The following NRXN3 variants were observed in gnomAD, a reference collection of about 807,000 sequenced individuals.
The protein encoded by NRXN3 is neurexin 3, also known as neurexin III.
Under a neutral mutation model 137.6 loss-of-function variants are expected in NRXN3, and 32 were observed. The ratio of observed to expected loss-of-function variants is 0.23; its 90% CI spans 0.18 to 0.31. The LOEUF (loss-of-function observed/expected upper bound fraction) is 0.31. NRXN3 is among the 10% of genes least tolerant of loss of function. The probability of loss-of-function intolerance (pLI) is 1.00; values close to 1 mark genes in which losing one functional copy is unlikely to be tolerated. For synonymous variants in NRXN3, 798 were observed against 784.5 expected (o/e 1.02, Z -0.29); for missense variants, 1,574 against 2,062.5 (o/e 0.76, Z 4.59).
At chr14:79,320,873 G>A (rs2089885917) in intron 15 of NRXN3, among the ~76,000 whole-genome samples, 1 of 150,522 alleles carries the variant, frequency 6.6e-6, no homozygotes. Flanking sequence ...CATTTCTTGT[G>A]CTAGTTTCCC....
At chr14:79,094,975 A>AGTGTGTGTGTGT (rs71131675) in intron 15 of NRXN3, among the ~76,000 whole-genome samples, 25 of 88,792 alleles carry the variant, frequency 2.8e-4, no homozygotes, top group African/African-American at 8.1e-4. Context: ...AGAGAGAGAG[A>AGTGTGTGTGTGT]GAGAGTGTGT....
intron 15 of NRXN3, among the ~76,000 whole-genome samples, chr14:79,340,606 C>T (rs1378474554): frequency 6.6e-6 from 1 of 152,134 alleles, no homozygotes; most frequent in African/African-American, 2.4e-5. Context: ...GCTGGGATTA[C>T]AGGCATGCAC....
At chr14:78,917,108 C>G (rs755476283) in intron 10 of NRXN3, among the ~76,000 whole-genome samples, 6 of 152,118 alleles carry the variant, frequency 3.9e-5, no homozygotes, top group Non-Finnish European at 5.9e-5. Context: ...TTTGGAGGGA[C>G]AGAATTCAGC....
intron 15 of NRXN3, among the ~76,000 whole-genome samples, chr14:79,451,025 C>T (rs2096161127): frequency 6.6e-6 from 1 of 152,104 alleles, no homozygotes; most frequent in Non-Finnish European, 1.5e-5. Flanking sequence ...TCATCACTGT[C>T]ACCTCAGACA....
At chr14:78,477,064 C>A (rs1008941375) in intron 4 of NRXN3, among the ~76,000 whole-genome samples, 1 of 152,188 alleles carries the variant, frequency 6.6e-6, no homozygotes, top group Non-Finnish European at 1.5e-5. Flanking sequence ...GAACTTTGTA[C>A]ACTCTGCTGT....
chr14:79,305,767 C>A (rs978762473), intron 15 of NRXN3, among the ~76,000 whole-genome samples: 2 of 152,036 alleles, frequency 1.3e-5, no homozygotes, highest in African/African-American at 2.4e-5. Flanking sequence ...CCTTATAATT[C>A]CATCCCAGTG....
rs931226527 is a variant in NRXN3 at position 79,865,437 on chromosome 14, C to T, written c.*3473C>T. On this transcript the variant is annotated 3_prime_UTR_variant, in exon 21 of 21. Transcript: ENST00000335750. ...ATTTAACTGAACAGCTGTCCTTTAT[C>T]CATATGTTGGTTACCAGTTTTCAAA... is the stretch of plus-strand genomic sequence containing the variant. The T allele has an allele frequency of 2.0e-5, 3 of 152,080 alleles. No homozygotes were observed. The highest frequency in any genetic ancestry group is 1.5e-5 in the Non-Finnish European group (1 of 68,024). The allele number at this position is 152,080 out of a possible 1,614,324, so 9.4% of individuals were successfully genotyped here.
chr14:79,568,257 T>A (rs1038905875), intron 16 of NRXN3, among the ~76,000 whole-genome samples: 3 of 152,216 alleles, frequency 2.0e-5, no homozygotes, highest in African/African-American at 4.8e-5. Context: ...GACATCCAGG[T>A]TTTATCTATA....
chr14:79,039,620 C>G (rs1432970266), intron 15 of NRXN3, among the ~76,000 whole-genome samples: 1 of 152,132 alleles, frequency 6.6e-6, no homozygotes, highest in Admixed American at 6.6e-5. Flanking sequence ...TCACCACATT[C>G]AATCAAACTT....
At chr14:78,947,368 C>T (rs957446107) in intron 10 of NRXN3, among the ~76,000 whole-genome samples, 5 of 152,116 alleles carry the variant, frequency 3.3e-5, no homozygotes, top group South Asian at 2.1e-4. Flanking sequence ...CTGAAAATAC[C>T]GTATTCCCAG....
chr14:78,568,105 G>A (rs2152300819), intron 4 of NRXN3, among the ~76,000 whole-genome samples: 1 of 152,280 alleles, frequency 6.6e-6, no homozygotes, highest in East Asian at 1.9e-4. Flanking sequence ...ATGCTGGTAG[G>A]GGAGCTCAGT....
chr14:79,744,842 G>A (rs1309907273), intron 19 of NRXN3, among the ~76,000 whole-genome samples: 1 of 152,066 alleles, frequency 6.6e-6, no homozygotes, highest in African/African-American at 2.4e-5. Context: ...GGTGTCCCTG[G>A]TATGTGGCCA....
intron 20 of NRXN3, among the ~76,000 whole-genome samples, chr14:79,808,133 G>A (rs1204232946): frequency 6.6e-6 from 1 of 151,796 alleles, no homozygotes; most frequent in African/African-American, 2.4e-5. Context: ...AGCTACTCGG[G>A]AGGCTGAGGT....
At chr14:78,215,189 C>T (rs1385413601) in intron 1 of NRXN3, among the ~76,000 whole-genome samples, 1 of 152,146 alleles carries the variant, frequency 6.6e-6, no homozygotes, top group Non-Finnish European at 1.5e-5. Flanking sequence ...TGATCCTGTT[C>T]CCGAGCCCAC....
chr14:78,202,514 G>C (rs1453113065), intron 1 of NRXN3, among the ~76,000 whole-genome samples: 3 of 152,188 alleles, frequency 2.0e-5, no homozygotes, highest in Non-Finnish European at 4.4e-5. Flanking sequence ...AGGGGATGTG[G>C]GGATGGGAGG....
chr14:78,450,868 G>T (rs1285777948), intron 4 of NRXN3, among the ~76,000 whole-genome samples: 2 of 152,152 alleles, frequency 1.3e-5, no homozygotes, highest in Non-Finnish European at 2.9e-5. Context: ...CCACACAGGG[G>T]CTCAGCTGGA....
intron 9 of NRXN3, among the ~76,000 whole-genome samples, chr14:78,806,841 T>C (rs892950052): frequency 2.6e-5 from 4 of 152,244 alleles, no homozygotes; most frequent in African/African-American, 9.6e-5. Context: ...TTATCTTATT[T>C]TAATCTCATG....
intron 8 of NRXN3, among the ~76,000 whole-genome samples, chr14:78,794,872 A>T (rs2098816513): frequency 6.6e-6 from 1 of 151,950 alleles, no homozygotes; most frequent in Admixed American, 6.6e-5. Context: ...TCCAGGTGTT[A>T]GAGACCAGCC....
chr14:79,595,435 A>G (rs2097850307), intron 16 of NRXN3, among the ~76,000 whole-genome samples: 1 of 152,206 alleles, frequency 6.6e-6, no homozygotes, highest in Non-Finnish European at 1.5e-5. Flanking sequence ...TCTGCTGTTC[A>G]ATATAGTAGT....
Sources: gnomAD v4.1 joint callset for allele counts (sites outside exome capture counted in the v4.1 genomes callset) on GRCh38, gnomAD v4.1.1 for gene constraint, MANE v1.5 for transcripts, NCBI Gene and HGNC (gene_info 2026-07-23, HGNC 2026-07-21) for gene names.